The following CNTN5 variants were observed in gnomAD, a reference collection of about 807,000 sequenced individuals.
CNTN5 encodes contactin 5, also known as contactin-5.
A neutral mutation model predicts 129.1 loss-of-function variants in CNTN5; 77 were observed. The ratio of observed to expected loss-of-function variants is 0.60; its 90% CI spans 0.50 to 0.72. The LOEUF is 0.72. CNTN5 is among the 30% of genes least tolerant of loss of function. The pLI is 0.00. For missense variants in CNTN5, 1,478 were observed against 1,328.8 expected (o/e 1.11, Z -1.75); for synonymous variants, 509 against 465.6 (o/e 1.09, Z -1.20).
chr11:99,220,730 G>C (rs1230346049), intron 1 of CNTN5, among the ~76,000 whole-genome samples: 1 of 151,866 alleles, frequency 6.6e-6, no homozygotes, highest in Non-Finnish European at 1.5e-5. Context: ...GTCTGACTAG[G>C]AGGGCCAGAT....
chr11:100,233,229 CAT>C (rs1949531497), intron 16 of CNTN5, among the ~76,000 whole-genome samples: 1 of 151,126 alleles, frequency 6.6e-6, no homozygotes, highest in Admixed American at 6.6e-5. Context: ...AAAAATAATA[CAT>C]GTTTGTGGAA....
At chr11:99,355,972 G>A (rs1938633750) in intron 2 of CNTN5, among the ~76,000 whole-genome samples, 1 of 151,708 alleles carries the variant, frequency 6.6e-6, no homozygotes, top group African/African-American at 2.4e-5. Flanking sequence ...GACTACATGT[G>A]GCCACCACCA....
At chr11:99,334,850 A>T (rs1435419248) in intron 2 of CNTN5, among the ~76,000 whole-genome samples, 1 of 152,078 alleles carries the variant, frequency 6.6e-6, no homozygotes, top group Non-Finnish European at 1.5e-5. Context: ...AATTGTTACT[A>T]TTATTTTCTT....
chr11:99,533,675 G>GT (rs1947797007), intron 2 of CNTN5, among the ~76,000 whole-genome samples: 1 of 152,224 alleles, frequency 6.6e-6, no homozygotes, highest in African/African-American at 2.4e-5. Context: ...CTGTTCACTG[G>GT]TGGGGGTACA....
chr11:99,359,181 A>G (rs1938924016), intron 2 of CNTN5, among the ~76,000 whole-genome samples: 1 of 152,256 alleles, frequency 6.6e-6, no homozygotes, highest in African/African-American at 2.4e-5. Flanking sequence ...TTTCATTGAA[A>G]TAAACAAATA....
intron 3 of CNTN5, among the ~76,000 whole-genome samples, chr11:99,600,758 CT>C (rs1950287865): frequency 1.2e-4 from 1 of 8,270 alleles, no homozygotes; most frequent in South Asian, 0.1. Context: ...TTAGCTTCTC[CT>C]TTCTTTTTTT....
At chr11:99,675,019 G>GTTTTT (rs1161304193) in intron 3 of CNTN5, among the ~76,000 whole-genome samples, 35 of 150,262 alleles carry the variant, frequency 2.3e-4, no homozygotes, top group Admixed American at 6.0e-4. Context: ...TTCTGGTTTT[G>GTTTTT]TTTTGTTTTG....
chr11:99,464,533 C>T (rs1944859263), intron 2 of CNTN5, among the ~76,000 whole-genome samples: 1 of 152,100 alleles, frequency 6.6e-6, no homozygotes, highest in South Asian at 2.1e-4. Flanking sequence ...AGTATTATGG[C>T]TATGACTTCT....
At chr11:99,223,673 A>G (rs972979914) in intron 1 of CNTN5, among the ~76,000 whole-genome samples, 7 of 152,168 alleles carry the variant, frequency 4.6e-5, no homozygotes, top group African/African-American at 1.7e-4. Flanking sequence ...AATTACATAG[A>G]AGTCCCCATT....
At chr11:100,278,630 C>T (rs1406059321) in intron 18 of CNTN5, among the ~76,000 whole-genome samples, 1 of 151,990 alleles carries the variant, frequency 6.6e-6, no homozygotes, top group Non-Finnish European at 1.5e-5. Flanking sequence ...TATAAAAATG[C>T]TACTGATTTT....
chr11:99,844,795 C>T (rs1476104349), intron 4 of CNTN5, 57 bp from the exon 5 acceptor site: 3 of 1,522,686 alleles, frequency 2.0e-6, no homozygotes, highest in South Asian at 2.6e-5. Context: ...AAGAAAAAAA[C>T]ACAAAATATC....
At chr11:99,971,735 G>A (rs1052300854) in intron 8 of CNTN5, among the ~76,000 whole-genome samples, 1 of 151,634 alleles carries the variant, frequency 6.6e-6, no homozygotes, top group Non-Finnish European at 1.5e-5. Flanking sequence ...TATGGTCAAA[G>A]AATAATGTTT....
chr11:99,665,615 T>A (rs1419666063), intron 3 of CNTN5, among the ~76,000 whole-genome samples: 1 of 150,502 alleles, frequency 6.6e-6, no homozygotes, highest in Non-Finnish European at 1.5e-5. Flanking sequence ...GCCTCCCAAG[T>A]GGCTGGGTTT....
At chr11:99,515,335 T>G (rs908357787) in intron 2 of CNTN5, among the ~76,000 whole-genome samples, 1 of 152,052 alleles carries the variant, frequency 6.6e-6, no homozygotes, top group Admixed American at 6.6e-5. Context: ...CTGAATAGAT[T>G]TAGCTGAAAT....
intron 6 of CNTN5, among the ~76,000 whole-genome samples, chr11:99,889,861 C>T (rs1257488047): frequency 4.6e-5 from 7 of 152,100 alleles, no homozygotes; most frequent in African/African-American, 2.4e-5. Flanking sequence ...CATTCTTATA[C>T]TTCCAAAATA....
chr11:99,296,974 T>C (rs538958078), intron 1 of CNTN5, among the ~76,000 whole-genome samples: 1 of 152,262 alleles, frequency 6.6e-6, no homozygotes, highest in African/African-American at 2.4e-5. Context: ...AGGTGGGGAA[T>C]TGAACCATCA....
intron 13 of CNTN5, among the ~76,000 whole-genome samples, chr11:100,076,608 C>T (rs77971658): frequency 0.093 from 14,193 of 151,952 alleles, 856 homozygotes; most frequent in East Asian, 0.18. Context: ...TCAGATCACT[C>T]AATTTTTTCT....
In CNTN5 at chr11:99,640,555, A is replaced by G. The variant is rs563192452; in HGVS notation, c.55+84286A>G. Reference sequence around the variant, plus strand: ...GGGAATTCTGGGAGATAAAATTCCAATTGAGATTTGAATGGGGACACAGCC... The same window carrying G: ...GGGAATTCTGGGAGATAAAATTCCAGTTGAGATTTGAATGGGGACACAGCC... On this transcript the variant is annotated intron_variant, in intron 3 of 24. Coordinates refer to ENST00000524871, the MANE Select transcript of CNTN5 (RefSeq NM_014361.4). 7.9e-4 allele frequency among the ~76,000 whole-genome samples: 121 copies of G among 152,262 alleles called. No individual in the cohort carries two copies. In the South Asian group the frequency reaches 0.024, roughly 31 times the overall value.
intron 6 of CNTN5, among the ~76,000 whole-genome samples, chr11:99,851,852 A>T (rs1292727672): frequency 6.6e-6 from 1 of 152,200 alleles, no homozygotes; most frequent in East Asian, 1.9e-4. Flanking sequence ...CTCAAAAATT[A>T]CTTCTCTGGC....
Sources: gnomAD v4.1 joint callset for allele counts (sites outside exome capture counted in the v4.1 genomes callset) on GRCh38, gnomAD v4.1.1 for gene constraint, MANE v1.5 for transcripts, NCBI Gene and HGNC (gene_info 2026-07-23, HGNC 2026-07-21) for gene names.